Variants in PCDHA8 observed in about 807,000 individuals in gnomAD.
The protein encoded by PCDHA8 is protocadherin alpha-8.
In PCDHA8, 53 loss-of-function variants were observed where a neutral mutation model predicts 61.8. The ratio of observed to expected loss-of-function variants is 0.86; its 90% CI spans 0.69 to 1.08. The LOEUF is 1.08. Among genes scored for constraint, PCDHA8 ranks in the 50% least tolerant of loss-of-function variants. PCDHA8 has a pLI of 0.00. For synonymous variants in PCDHA8, 618 were observed against 556.6 expected, an observed-to-expected ratio of 1.11 and a Z score of -1.55; for missense variants, 1,293 against 1,245.0, an observed-to-expected ratio of 1.04 and a Z score of -0.58.
intron 1 of PCDHA8, chr5:140,851,333 T>C: frequency 5.1e-6 from 5 of 974,938 alleles, no homozygotes; most frequent in Non-Finnish European, 6.3e-6. Flanking sequence ...TTTGTAGTTC[T>C]CTACATTTCT....
intron 3 of PCDHA8, among the ~76,000 whole-genome samples, chr5:140,993,514 A>T (rs1239398977): frequency 6.6e-6 from 1 of 150,498 alleles, no homozygotes; most frequent in East Asian, 1.9e-4. Flanking sequence ...ACACACGGGG[A>T]GAGAGAGACA....
intron 1 of PCDHA8, among the ~76,000 whole-genome samples, chr5:140,948,191 C>A (rs2094221032): frequency 6.6e-6 from 1 of 151,562 alleles, no homozygotes; most frequent in African/African-American, 2.4e-5. Context: ...CCCACTTAGT[C>A]ATGATATATT....
rs145248721 is a variant in PCDHA8 at position 140,849,849 on chromosome 5, G to A, written c.2394+6134G>A. 13 of 1,598,556 alleles carry A rather than the reference G, an allele frequency of 8.1e-6. 1 individual carries two copies. The South Asian group carries it at 1.1e-4, about 14-fold the overall frequency. On this transcript the variant is annotated intron_variant, in intron 1 of 3. Coordinates refer to ENST00000531613, the MANE Select transcript of PCDHA8 (RefSeq NM_018911.3). Reference sequence around the variant, plus strand: ...GGAGGTGGCCGACGTGAACGACAACGCACCAGCGTTCGCGCAGTCCGAGTA... The same window carrying A: ...GGAGGTGGCCGACGTGAACGACAACACACCAGCGTTCGCGCAGTCCGAGTA...
At chr5:140,993,830 A>G (rs536970854) in intron 3 of PCDHA8, among the ~76,000 whole-genome samples, 44 of 152,326 alleles carry the variant, frequency 2.9e-4, no homozygotes, top group Non-Finnish European at 5.0e-4. Context: ...GCTATACCAT[A>G]TAGCCTAGGT....
intron 1 of PCDHA8, chr5:140,856,383 C>A (rs1053203263): frequency 3.8e-6 from 6 of 1,598,432 alleles, no homozygotes; most frequent in Non-Finnish European, 5.1e-6. Flanking sequence ...GTGGACAGGC[C>A]GCTGCAGGTT....
chr5:140,961,736 T>C (rs1554225571), intron 1 of PCDHA8, among the ~76,000 whole-genome samples: 1 of 152,178 alleles, frequency 6.6e-6, no homozygotes. Context: ...ACAATCACTT[T>C]AGTAATATTA....
At chr5:140,882,802 C>T (rs782615396) in intron 1 of PCDHA8, 21 of 1,614,206 alleles carry the variant, frequency 1.3e-5, no homozygotes, top group Non-Finnish European at 1.5e-5. Context: ...ACGATTATTT[C>T]ACTTTGGACG....
chr5:140,866,677 G>A (rs782218499), intron 1 of PCDHA8: 2 of 152,084 alleles, frequency 1.3e-5, no homozygotes, highest in African/African-American at 2.4e-5. Context: ...AATAGCACTA[G>A]GTCTGTTAGA....
At chr5:140,942,949 G>A (rs1183072564) in intron 1 of PCDHA8, among the ~76,000 whole-genome samples, 10 of 151,942 alleles carry the variant, frequency 6.6e-5, no homozygotes, top group Admixed American at 1.3e-4. Flanking sequence ...AAGTGTAGAC[G>A]TTCTGTTATC....
At chr5:140,939,960 T>G (rs1216904868) in intron 1 of PCDHA8, among the ~76,000 whole-genome samples, 2 of 152,258 alleles carry the variant, frequency 1.3e-5, no homozygotes, top group African/African-American at 2.4e-5. Context: ...TATGTTAAAG[T>G]GTTCCACGAT....
At chr5:140,911,160 G>A (rs1226577638) in intron 1 of PCDHA8, among the ~76,000 whole-genome samples, 1 of 152,086 alleles carries the variant, frequency 6.6e-6, no homozygotes, top group African/African-American at 2.4e-5. Context: ...AGACAAATGT[G>A]GAAAGGCTGA....
In PCDHA8 at chr5:140,859,254, G is replaced by C. The variant is rs1005222858; in HGVS notation, c.2394+15539G>C. 16 of 131,816 alleles carry C rather than the reference G, an allele frequency of 1.2e-4. 1 individual carries two copies. The highest frequency in any genetic ancestry group is 4.3e-4 in the African/African-American group (16 of 37,090). 8.2% of individuals were successfully genotyped at this position (131,816 alleles called of 1,614,324 possible). A position where few individuals can be genotyped will look rare whatever the true frequency, so the allele number is the denominator to read the frequency against. ...AGTCATGCTTATGTTTAATAATGAA[G>C]AGAATTTGAACACTTTTTACTTTTG... is the stretch of plus-strand genomic sequence containing the variant. On this transcript the variant is annotated intron_variant, in intron 1 of 3. Transcript: ENST00000531613.
intron 1 of PCDHA8, among the ~76,000 whole-genome samples, chr5:140,977,651 G>T (rs1554238723): frequency 6.6e-6 from 1 of 152,136 alleles, no homozygotes; most frequent in East Asian, 1.9e-4. Flanking sequence ...CCTTGACTTT[G>T]GCTAATTCTC....
At chr5:140,988,989 G>C (rs981946293) in intron 3 of PCDHA8, 1 of 152,184 alleles carries the variant, frequency 6.6e-6, no homozygotes, top group Admixed American at 6.5e-5. Flanking sequence ...CTAATGCAGG[G>C]TAAGGAAATA....
intron 3 of PCDHA8, among the ~76,000 whole-genome samples, chr5:140,984,059 C>G (rs1269975627): frequency 6.6e-6 from 1 of 152,108 alleles, no homozygotes; most frequent in East Asian, 1.9e-4. Context: ...CAAATCTGTA[C>G]CCTCAGTGCC....
At chr5:140,929,972 G>A (rs2086500191) in intron 1 of PCDHA8, 1 of 152,084 alleles carries the variant, frequency 6.6e-6, no homozygotes, top group South Asian at 2.1e-4. Flanking sequence ...TTTTGGTGAA[G>A]GTGTCTTCTT....
At chr5:140,913,934 G>C (rs1554196103) in intron 1 of PCDHA8, among the ~76,000 whole-genome samples, 1 of 152,102 alleles carries the variant, frequency 6.6e-6, no homozygotes, top group African/African-American at 2.4e-5. Context: ...TGTGGTCAGA[G>C]AAGAATCTTG....
chr5:140,927,313 G>A (rs1229449253), intron 1 of PCDHA8: 6 of 1,614,074 alleles, frequency 3.7e-6, no homozygotes, highest in Admixed American at 3.3e-5. Context: ...GACGCCCGGA[G>A]CCCGCTTTAC....
chr5:141,005,932 G>A (rs1588114868), intron 3 of PCDHA8, among the ~76,000 whole-genome samples: 2 of 152,074 alleles, frequency 1.3e-5, no homozygotes, highest in East Asian at 3.9e-4. Context: ...GGTTGACAGA[G>A]TGAGAACCTA....
Sources: gnomAD v4.1 joint callset for allele counts (sites outside exome capture counted in the v4.1 genomes callset) on GRCh38, gnomAD v4.1.1 for gene constraint, MANE v1.5 for transcripts, NCBI Gene and HGNC (gene_info 2026-07-23, HGNC 2026-07-21) for gene names.